Variants in ZNF20 observed in about 807,000 individuals in gnomAD.
ZNF20 encodes the protein zinc finger protein KOX13.
Under a neutral mutation model 11.0 loss-of-function variants are expected in ZNF20, and 9 were observed. The observed-to-expected ratio is 0.82, with a 90% CI of 0.49 to 1.43. The LOEUF is 1.43. Ranked by LOEUF, ZNF20 falls within the 40% of genes most tolerant of loss-of-function variation. The probability of loss-of-function intolerance (pLI) is 0.00; values close to 1 mark genes in which losing one functional copy is unlikely to be tolerated. For missense variants in ZNF20, 528 were observed against 640.8 expected, an observed-to-expected ratio of 0.82 and a Z score of 1.90; for synonymous variants, 182 against 213.0, an observed-to-expected ratio of 0.85 and a Z score of 1.27.
chr19:12,131,551 A>G lies in ZNF20; in HGVS notation c.*1036T>C, dbSNP rs1976622618. ...TATTTAGAATAGATGAAAATTCATG[A>G]TCCAGATAAAAACTAAGAATATAAG... On this transcript the variant is annotated 3_prime_UTR_variant, in exon 4 of 4. Coordinates refer to ENST00000334213, the MANE Select transcript of ZNF20 (RefSeq NM_021143.4). 6.6e-6 allele frequency: 1 copy of G among 152,230 alleles called. No homozygotes were observed. The highest frequency in any genetic ancestry group is 1.5e-5 in the Non-Finnish European group (1 of 68,036). 9.4% of individuals were successfully genotyped at this position (152,230 alleles called of 1,614,324 possible). A position where few individuals can be genotyped will look rare whatever the true frequency, so the allele number is the denominator to read the frequency against.
chr19:12,133,686 T>G lies in ZNF20; in HGVS notation c.500A>C (p.Lys167Thr). 6.2e-7 allele frequency: 1 copy of G among 1,614,240 alleles called. No individual in the cohort carries two copies. The highest frequency in any genetic ancestry group is 8.5e-7 in the Non-Finnish European group (1 of 1,180,048). ...TTCTTTACCATCATAGGGTTTCTCT[T>G]TAGTGCAAGCTTTATCATGTGATTG... ...SFQSHDKACT[K>T]EKPYDGKECT... The change falls in exon 4 of 4, where the codon AAA becomes ACA. Residue 167 changes from lysine to threonine, a missense_variant. Coordinates refer to ENST00000334213, the MANE Select transcript of ZNF20 (RefSeq NM_021143.4).
chr19:12,133,782 TA>T lies in ZNF20; in HGVS notation c.403del (p.Tyr135IlefsTer57). 1 of 1,614,214 alleles carries T rather than the reference TA, an allele frequency of 6.2e-7. No homozygotes were observed. Among genetic ancestry groups the T allele is most frequent in the Middle Eastern group, 1.6e-4 (1 of 6,062 alleles). On this transcript the variant is annotated frameshift_variant, in exon 4 of 4. Coordinates refer to ENST00000334213, the MANE Select transcript of ZNF20 (RefSeq NM_021143.4). LOFTEE classifies it low-confidence loss of function (END_TRUNC). The stretch of plus-strand genomic sequence containing the variant: ...ATATGGATTCTCTCCATATTCCTGA[TA>T]CTCAGATGACTTGTGTCCAGTGTCA... ...RADTGHKSSEYQEYGENPYRN... is the reference protein window; with the variant it reads ...RADTGHKSSEXQEYGENPYRN...
chr19:12,134,010 T>C (rs775259595), intron 3 of ZNF20, 25 bp from the exon 4 acceptor site: 8 of 1,572,250 alleles, frequency 5.1e-6, no homozygotes, highest in South Asian at 2.4e-5. Flanking sequence ...GAGAAGCACA[T>C]TATTAACGGT....
At position 12,133,441 on chromosome 19, in the gene ZNF20, G is replaced by A. The variant is rs1477651673; in HGVS notation, c.745C>T (p.His249Tyr). The A allele has an allele frequency of 2.5e-6, 4 of 1,614,080 alleles. No homozygotes were observed. The highest frequency in any genetic ancestry group is 1.6e-4 in the Middle Eastern group (1 of 6,062). The change falls in exon 4 of 4, where the codon CAC becomes TAC. Residue 249 changes from histidine to tyrosine, a missense_variant. Coordinates refer to ENST00000334213, the MANE Select transcript of ZNF20 (RefSeq NM_021143.4). Reference sequence around the variant, plus strand: ...CATTCATCGGCATTCACTCCTGTGTGAGTTCTTTCATGTACTGGAAGGGTA... The same window carrying A: ...CATTCATCGGCATTCACTCCTGTGTAAGTTCTTTCATGTACTGGAAGGGTA... ...STTLPVHERT[H>Y]TGVNADECKE...
chr19:12,135,895 C>T lies in ZNF20; in HGVS notation c.13G>A (p.Asp5Asn). The T allele has an allele frequency of 6.2e-7, 1 of 1,614,014 alleles. No individual in the cohort carries two copies. The highest frequency in any genetic ancestry group is 8.5e-7 in the Non-Finnish European group (1 of 1,180,000). The change falls in exon 2 of 4, where the codon GAT becomes AAT. Residue 5 changes from aspartate (D) to asparagine (N), a missense_variant. By Grantham distance (23) the Asp-to-Asn change is conservative (BLOSUM62 1). Transcript: ENST00000334213. The part of the protein sequence containing the change: MMFQ[D>N]SVAFEDVAVS... ...GCCACATCCTCAAAGGCCACTGAATCCTGAAACATCTCACATATATAAAAG... is the reference window on the plus strand; with the variant it reads ...GCCACATCCTCAAAGGCCACTGAATTCTGAAACATCTCACATATATAAAAG...
rs192722077 is a variant in ZNF20, at chr19:12,133,310, G to C, written c.876C>G (p.Phe292Leu). The C allele has an allele frequency of 5.8e-5, 94 of 1,614,140 alleles. No individual in the cohort carries two copies. The African/African-American group carries it at 1.0e-3, about 17-fold the overall frequency. Residue 292 changes from phenylalanine to leucine, a missense_variant, in exon 4 of 4, where the codon TTC becomes TTG. Physicochemically the swap from Phe to Leu is conservative, Grantham distance 22. Transcript: ENST00000334213. ...PYECKQCGKV[F>L]ISFSSIQYHK... Reference sequence around the variant, plus strand: ...GATACTGAATGGAACTGAAAGAAATGAAGACTTTCCCACATTGCTTACACT... The same window carrying C: ...GATACTGAATGGAACTGAAAGAAATCAAGACTTTCCCACATTGCTTACACT...
intron 1 of ZNF20, chr19:12,136,913 T>C (rs752735557): frequency 1.1e-4 from 48 of 426,664 alleles, no homozygotes; most frequent in South Asian, 7.5e-4. Flanking sequence ...GCCCATCATC[T>C]CCATATGAAT....
chr19:12,138,724 C>T (rs993194987), intron 1 of ZNF20, among the ~76,000 whole-genome samples: 3 of 151,866 alleles, frequency 2.0e-5, no homozygotes, highest in Non-Finnish European at 2.9e-5. Flanking sequence ...GAGGCTGAGG[C>T]AGGAGAATCA....
Position 12,133,086 on chromosome 19 carries a change from T to C in ZNF20, c.1100A>G (p.Tyr367Cys), listed in dbSNP as rs1362653875. 1.7e-5 allele frequency: 27 copies of C among 1,614,016 alleles called. No individual in the cohort carries two copies. The highest frequency in any genetic ancestry group is 2.0e-5 in the Non-Finnish European group (24 of 1,180,010). Residue 367 changes from tyrosine (Y) to cysteine (C), a missense_variant, in exon 4 of 4, where the codon TAT (tyrosine) becomes TGT (cysteine). Tyr to Cys is a radical substitution (Grantham distance 194). Coordinates refer to ENST00000334213, the MANE Select transcript of ZNF20 (RefSeq NM_021143.4). ...HEKTHTEDKP[Y>C]GCKQCGKGFR... ...GCCTTTCCCACACTGCTTACATCCA[T>C]AGGGTTTATCCTCAGTGTGTGTCTT...
chr19:12,133,676 G>C lies in ZNF20; in HGVS notation c.510C>G (p.Pro170=), dbSNP rs1267640199. The C allele has an allele frequency of 5.0e-6, 8 of 1,614,082 alleles. No individual in the cohort carries two copies. The Admixed American group carries it at 1.3e-4, about 27-fold the overall frequency. Residue 170 remains proline, a synonymous_variant, in exon 4 of 4, where the codon CCC becomes CCG. Transcript: ENST00000334213. ...SHDKACTKEK[P]YDGKECTETF... ...TTTCTGTACATTCTTTACCATCATAGGGTTTCTCTTTAGTGCAAGCTTTAT... is the reference window on the plus strand; with the variant it reads ...TTTCTGTACATTCTTTACCATCATACGGTTTCTCTTTAGTGCAAGCTTTAT...
chr19:12,131,695 A>T lies in ZNF20; in HGVS notation c.*892T>A, dbSNP rs1976625067. ...TCAACTTGATCTAATACATGATGTTAATGGGAGGTTGTAATGTAGCTTCTT... is the reference window on the plus strand; with the variant it reads ...TCAACTTGATCTAATACATGATGTTTATGGGAGGTTGTAATGTAGCTTCTT... On this transcript the variant is annotated 3_prime_UTR_variant, in exon 4 of 4. Coordinates refer to ENST00000334213, the MANE Select transcript of ZNF20 (RefSeq NM_021143.4). 6.6e-6 allele frequency: 1 copy of T among 152,262 alleles called. No individual in the cohort carries two copies. The highest frequency in any genetic ancestry group is 1.5e-5 in the Non-Finnish European group (1 of 68,044). The allele number at this position is 152,262 out of a possible 1,614,324, so 9.4% of individuals were successfully genotyped here. A position where few individuals can be genotyped will look rare whatever the true frequency, so the allele number is the denominator to read the frequency against.
chr19:12,133,981 T>TAAGA lies in ZNF20; in HGVS notation c.201_204dup (p.Met69SerfsTer8). 1 of 1,601,146 alleles carries TAAGA rather than the reference T, an allele frequency of 6.2e-7. No individual in the cohort carries two copies. Among genetic ancestry groups the TAAGA allele is most frequent in the Non-Finnish European group, 8.5e-7 (1 of 1,173,734 alleles). On this transcript the variant is annotated frameshift_variant, in exon 4 of 4. Transcript: ENST00000334213. LOFTEE classifies it low-confidence loss of function (END_TRUNC). ...TTACTTTCACAGAGTTTCTCTCTCA[T>TAAGA]AAGACTTCAGTGAAAAATGAGAAGC...
At position 12,137,466 on chromosome 19, in the gene ZNF20, C is replaced by G. The variant is rs111946593; in HGVS notation, c.4-1562G>C. On this transcript the variant is annotated intron_variant, in intron 1 of 3. Coordinates refer to ENST00000334213, the MANE Select transcript of ZNF20 (RefSeq NM_021143.4). ...GGAAAAGCTAGACAGACCAACTTGA[C>G]TTGCCCCACTGACCCTTATACCCAC... 1.7e-3 allele frequency among the ~76,000 whole-genome samples: 259 copies of G among 152,290 alleles called. 1 individual carries two copies. Among genetic ancestry groups the G allele is most frequent in the Non-Finnish European group, 3.0e-3 (203 of 68,030 alleles).
At position 12,132,189 on chromosome 19, in the gene ZNF20, G is replaced by GT. The variant is rs113160255; in HGVS notation, c.*397dup. The GT allele has an allele frequency of 0.17, 28,777 of 171,010 alleles. 2,949 individuals are homozygous for GT. Among genetic ancestry groups the GT allele is most frequent in the African/African-American group, 0.28 (11,916 of 41,984 alleles). 10.6% of individuals were successfully genotyped at this position (171,010 alleles called of 1,614,324 possible). On this transcript the variant is annotated 3_prime_UTR_variant, in exon 4 of 4. Coordinates refer to ENST00000334213, the MANE Select transcript of ZNF20 (RefSeq NM_021143.4). The stretch of plus-strand genomic sequence containing the variant: ...TCTGAAGAAACAGCAAAGTGGGCAT[G>GT]TATCTTTAATGTGGAGCACTGGGGA...
At position 12,140,245 on chromosome 19, in the gene ZNF20, T is replaced by A. The variant is rs765220664; in HGVS notation, c.-63A>T. 14 of 1,579,858 alleles carry A rather than the reference T, an allele frequency of 8.9e-6. No individual in the cohort carries two copies. Among genetic ancestry groups the A allele is most frequent in the South Asian group, 2.3e-5 (2 of 86,944 alleles). ...CTCCCGTGAATAGTGCGGGTCACGG[T>A]GCAGGCGGCAGAGCGACAGAAGTTG... On this transcript the variant is annotated 5_prime_UTR_variant, in exon 1 of 4. Transcript: ENST00000334213.
At position 12,140,318 on chromosome 19, in the gene ZNF20, A is replaced by G; in HGVS notation, c.-136T>C. ...TCGGAGTAGGAAATCTGGTATCCCG[A>G]CAACAACCTGCATAGCAACAAAAGT... On this transcript the variant is annotated 5_prime_UTR_variant, in exon 1 of 4. Transcript: ENST00000334213. 8.9e-7 allele frequency: 1 copy of G among 1,128,464 alleles called. No homozygotes were observed. The highest frequency in any genetic ancestry group is 1.3e-5 in the South Asian group (1 of 75,630). 69.9% of individuals were successfully genotyped at this position (1,128,464 alleles called of 1,614,324 possible). A position where few individuals can be genotyped will look rare whatever the true frequency, so the allele number is the denominator to read the frequency against.
intron 3 of ZNF20, 41 bp downstream of exon 3, chr19:12,135,459 A>AT: frequency 6.2e-7 from 1 of 1,603,782 alleles, no homozygotes. Flanking sequence ...ACATTTTAAG[A>AT]TTTTCTAGAG....
In ZNF20 at chr19:12,132,801, C is replaced by A; in HGVS notation, c.1385G>T (p.Cys462Phe). 6.2e-7 allele frequency: 1 copy of A among 1,613,326 alleles called. No individual in the cohort carries two copies. Among genetic ancestry groups the A allele is most frequent in the Non-Finnish European group, 8.5e-7 (1 of 1,179,840 alleles). The change falls in exon 4 of 4, where the codon TGT becomes TTT. Residue 462 changes from cysteine (C) to phenylalanine (F), a missense_variant. By Grantham distance (205) the Cys-to-Phe change is radical. Coordinates refer to ENST00000334213, the MANE Select transcript of ZNF20 (RefSeq NM_021143.4). ...TTCATGATATCGAATGGAACTGGAA[C>A]AAGTGAAGGCTTTGCCACATACCTT... is the stretch of plus-strand genomic sequence containing the variant. ...ECKVCGKAFT[C>F]SSSIRYHERT...
At chr19:12,135,191 G>A (rs574262126) in intron 3 of ZNF20, among the ~76,000 whole-genome samples, 1 of 149,792 alleles carries the variant, frequency 6.7e-6, no homozygotes, top group Admixed American at 6.7e-5. Context: ...CCAGGCTGGA[G>A]TGCAGTGGTG....
Sources: allele counts gnomAD v4.1 joint callset (sites outside exome capture counted in the v4.1 genomes callset), GRCh38; gene constraint gnomAD v4.1.1; transcripts MANE v1.5; gene names NCBI Gene and HGNC (gene_info 2026-07-23, HGNC 2026-07-21).